Variants in MAN2C1 observed in about 807,000 individuals in gnomAD.
MAN2C1 encodes mannosidase alpha class 2C member 1.
A neutral mutation model predicts 126.9 loss-of-function variants in MAN2C1; 111 were observed. That is an observed-to-expected ratio of 0.87 (90% CI 0.75 to 1.02). The LOEUF (loss-of-function observed/expected upper bound fraction) is 1.02. Ranked by LOEUF, MAN2C1 falls within the 50% of genes least tolerant of loss-of-function variation. The probability of loss-of-function intolerance (pLI) is 0.00; values close to 1 mark genes in which losing one functional copy is unlikely to be tolerated. For synonymous variants in MAN2C1, 567 were observed against 561.5 expected (o/e 1.01, Z -0.14); for missense variants, 1,363 against 1,364.4 (o/e 1.00, Z 0.02).
At chr15:75,365,432 A>G (rs1264117663) in intron 4 of MAN2C1, among the ~76,000 whole-genome samples, 3 of 152,188 alleles carry the variant, frequency 2.0e-5, no homozygotes. Flanking sequence ...AGTAAAAACT[A>G]TACCGGGATG....
Position 75,364,614 on chromosome 15 carries a change from C to G in MAN2C1, c.474G>C (p.Lys158Asn), listed in dbSNP as rs771545331. ...GGTCAGGGGCTGCAATCATGCTTCC[C>G]TTCCCGGCCCCCAGGAGCCCATTGC... The part of the protein sequence containing the change: ...VACNGLLGAG[K>N]GSMIAAPDPE... Residue 158 changes from lysine (K) to asparagine (N), a missense_variant, in exon 5 of 26, where the codon AAG (lysine) becomes AAC (asparagine). This residue lies in a region of MAN2C1 where 628 missense variants were observed against 609.8 expected (regional missense o/e 1.03). Transcript: ENST00000267978. 1.9e-6 allele frequency: 3 copies of G among 1,613,696 alleles called. No homozygotes were observed. The South Asian group carries it at 3.3e-5, about 18-fold the overall frequency.
intron 6 of MAN2C1, chr15:75,363,642 C>T: frequency 3.0e-6 from 1 of 332,814 alleles, no homozygotes; most frequent in Non-Finnish European, 5.8e-6. Flanking sequence ...CCCGTCTCTA[C>T]TAAAAATACA....
rs1825095758 is a variant in MAN2C1 at position 75,362,009 on chromosome 15, TCAGGC to T, written c.1009-67_1009-63del. 2 of 1,285,104 alleles carry T rather than the reference TCAGGC, an allele frequency of 1.6e-6. No individual in the cohort carries two copies. The highest frequency in any genetic ancestry group is 1.7e-5 in the Admixed American group (1 of 59,494). 79.6% of individuals were successfully genotyped at this position (1,285,104 alleles called of 1,614,324 possible). On this transcript the variant is annotated intron_variant, in intron 8 of 25. Coordinates refer to ENST00000267978, the MANE Select transcript of MAN2C1 (RefSeq NM_006715.4). This position sits in a 1 kb window ranked among gnomAD's most constrained non-coding sequence, Gnocchi z 4.5. Reference sequence around the variant, plus strand: ...CGCTGGACGGGGAGCAGGCAGGCGCTCAGGCCAACCCAATCCCTGCAGGAGAAGCC... The same window carrying T: ...CGCTGGACGGGGAGCAGGCAGGCGCTCAACCCAATCCCTGCAGGAGAAGCC...
intron 21 of MAN2C1, 158 bp downstream of exon 21, chr15:75,358,043 C>T: frequency 1.1e-6 from 1 of 915,398 alleles, no homozygotes; most frequent in Non-Finnish European, 1.7e-6. Context: ...GCGTGAGCCA[C>T]TGTGCCTTGC....
intron 21 of MAN2C1, chr15:75,357,106 A>C: frequency 1.7e-6 from 1 of 585,266 alleles, no homozygotes; most frequent in East Asian, 2.8e-5. Context: ...AAATAATAGT[A>C]CTCACCCCAT....
At position 75,362,883 on chromosome 15, in the gene MAN2C1, A is replaced by C; in HGVS notation, c.791-135T>G. On this transcript the variant is annotated intron_variant, in intron 6 of 25. Transcript: ENST00000267978. The surrounding 1 kb of genome is among the most constrained non-coding windows in gnomAD (Gnocchi z 4.5). ...GGAAAGCCCTGTGGTGTCCCTCCTA[A>C]GTGGTCACTTCACTTCACTCCAGCG... The C allele has an allele frequency of 1.4e-6, 1 of 709,556 alleles. No homozygotes were observed. The highest frequency in any genetic ancestry group is 1.8e-5 in the African/African-American group (1 of 56,710). 44.0% of individuals were successfully genotyped at this position (709,556 alleles called of 1,614,324 possible).
chr15:75,356,181 C>T lies in MAN2C1; in HGVS notation c.2925G>A (p.Arg975=), dbSNP rs1160191870. 1.2e-6 allele frequency: 2 copies of T among 1,613,606 alleles called. No individual in the cohort carries two copies. Among genetic ancestry groups the T allele is most frequent in the Middle Eastern group, 1.7e-4 (1 of 6,056 alleles). Residue 975 remains arginine, a synonymous_variant, in exon 25 of 26, where the codon AGG becomes AGA. Coordinates refer to ENST00000267978, the MANE Select transcript of MAN2C1 (RefSeq NM_006715.4). The surrounding 1 kb of genome is among the most constrained non-coding windows in gnomAD (Gnocchi z 5.8). ...SSPQRRSLVL[R]LYEAHGSHVD... is the part of the protein sequence containing the mutation. Reference sequence around the variant, plus strand: ...CGTGGCTGCCGTGGGCCTCATACAGCCTCAGGACCAGCGAGCGGCGCTGGG... The same window carrying T: ...CGTGGCTGCCGTGGGCCTCATACAGTCTCAGGACCAGCGAGCGGCGCTGGG...
rs370541771 is a variant in MAN2C1, at chr15:75,356,136, C to T, written c.2970G>A (p.Leu990=). 15 of 1,613,620 alleles carry T rather than the reference C, an allele frequency of 9.3e-6. No homozygotes were observed. The African/African-American group carries it at 1.9e-4, about 20-fold the overall frequency. ...GGATGGCCTCCTGAACCGGCAGCGA[C>T]AAGTGCAGCCAGCAGTCCACGTGGC... ...HGSHVDCWLH[L]SLPVQEAILC... Residue 990 remains leucine, a synonymous_variant, in exon 25 of 26, where the codon TTG becomes TTA. Transcript: ENST00000267978. The surrounding 1 kb of genome is among the most constrained non-coding windows in gnomAD (Gnocchi z 5.8).
rs144636257 is a variant in MAN2C1 at position 75,356,825 on chromosome 15, C to T, written c.2625G>A (p.Ala875=). 9.4e-5 allele frequency: 151 copies of T among 1,614,094 alleles called. No individual in the cohort carries two copies. Among genetic ancestry groups the T allele is most frequent in the African/African-American group, 3.5e-4 (26 of 75,064 alleles). Residue 875 remains alanine, a synonymous_variant, in exon 22 of 26, where the codon GCG becomes GCA. Coordinates refer to ENST00000267978, the MANE Select transcript of MAN2C1 (RefSeq NM_006715.4). The surrounding 1 kb of genome is among the most constrained non-coding windows in gnomAD (Gnocchi z 5.8). ...GGCTGAGGATGCTGCCTCGCACTGACGCGCCATACTTGCAGTCGTTGAGCA... is the reference window on the plus strand; with the variant it reads ...GGCTGAGGATGCTGCCTCGCACTGATGCGCCATACTTGCAGTCGTTGAGCA... ...LALLNDCKYG[A]SVRGSILSLS...
rs1192857873 is a variant in MAN2C1, at chr15:75,362,945, G to T, written c.791-197C>A. The stretch of plus-strand genomic sequence containing the variant: ...GGGGCTGGGGAAAGGAGGCGGCAGT[G>T]CTATGAGGCCAATTATACAGGTCAG... On this transcript the variant is annotated intron_variant, in intron 6 of 25. Coordinates refer to ENST00000267978, the MANE Select transcript of MAN2C1 (RefSeq NM_006715.4). This position sits in a 1 kb window ranked among gnomAD's most constrained non-coding sequence, Gnocchi z 4.5. The T allele has an allele frequency of 1.4e-5, 8 of 585,232 alleles. No individual in the cohort carries two copies. The highest frequency in any genetic ancestry group is 1.9e-5 in the African/African-American group (1 of 53,490). 36.3% of individuals were successfully genotyped at this position (585,232 alleles called of 1,614,324 possible).
At position 75,356,924 on chromosome 15, in the gene MAN2C1, C is replaced by T; in HGVS notation, c.2548-22G>A. 6.3e-7 allele frequency: 1 copy of T among 1,596,612 alleles called. No individual in the cohort carries two copies. The highest frequency in any genetic ancestry group is 1.1e-5 in the South Asian group (1 of 90,698). On this transcript the variant is annotated intron_variant, in intron 21 of 25. Transcript: ENST00000267978. The surrounding 1 kb of genome is among the most constrained non-coding windows in gnomAD (Gnocchi z 5.8). Reference sequence around the variant, plus strand: ...ACACCTGGAGGGCAGATCCAAGACCCACTTGGTGGCCCTGTGCCCCTCTTT... The same window carrying T: ...ACACCTGGAGGGCAGATCCAAGACCTACTTGGTGGCCCTGTGCCCCTCTTT...
At chr15:75,360,714 C>G in intron 12 of MAN2C1, 26 bp from the exon 13 acceptor site, 1 of 1,610,794 alleles carries the variant, frequency 6.2e-7, no homozygotes, top group South Asian at 1.1e-5. Flanking sequence ...GCCTAGGTCT[C>G]CCAGCCTTGG....
In MAN2C1 at chr15:75,361,453, C is replaced by A; in HGVS notation, c.1219-72G>T. 2 of 1,360,248 alleles carry A rather than the reference C, an allele frequency of 1.5e-6. No individual in the cohort carries two copies. Among genetic ancestry groups the A allele is most frequent in the Non-Finnish European group, 2.1e-6 (2 of 956,334 alleles). The allele number at this position is 1,360,248 out of a possible 1,614,324, so 84.3% of individuals were successfully genotyped here. A position where few individuals can be genotyped will look rare whatever the true frequency, so the allele number is the denominator to read the frequency against. ...CTGAGGCAGAGCCAGGCCTTCCAGA[C>A]TTGGTCCTGCCCCTGCCTGCTATGT... On this transcript the variant is annotated intron_variant, in intron 10 of 25. Coordinates refer to ENST00000267978, the MANE Select transcript of MAN2C1 (RefSeq NM_006715.4). This position sits in a 1 kb window ranked among gnomAD's most constrained non-coding sequence, Gnocchi z 5.0.
chr15:75,366,089 A>C (rs774869211), intron 4 of MAN2C1: 28 of 318,306 alleles, frequency 8.8e-5, no homozygotes, highest in Non-Finnish European at 1.5e-4. Flanking sequence ...TTCGTCTCAA[A>C]AAAAAGAACA....
rs200137541 is a variant in MAN2C1 at position 75,356,704 on chromosome 15, G to C, written c.2658-19C>G. ...CCGCAAGCTGGGGTGAGGAGGGCGC[G>C]TAGGGGCCACGCTGAAGCTGTTGGA... On this transcript the variant is annotated intron_variant, in intron 22 of 25. Coordinates refer to ENST00000267978, the MANE Select transcript of MAN2C1 (RefSeq NM_006715.4). The surrounding 1 kb of genome is among the most constrained non-coding windows in gnomAD (Gnocchi z 5.8). The C allele has an allele frequency of 6.2e-7, 1 of 1,608,810 alleles. No homozygotes were observed. The highest frequency in any genetic ancestry group is 1.7e-5 in the Admixed American group (1 of 59,130).
In MAN2C1 at chr15:75,356,112, G is replaced by A. The variant is rs1033281042; in HGVS notation, c.2994C>T (p.Ile998=). 24 of 1,613,786 alleles carry A rather than the reference G, an allele frequency of 1.5e-5. No individual in the cohort carries two copies. The highest frequency in any genetic ancestry group is 2.0e-5 in the Non-Finnish European group (24 of 1,179,996). The change falls in exon 25 of 26, where the codon ATC becomes ATT. Residue 998 remains isoleucine (I), a splice_region_variant and synonymous_variant. Transcript: ENST00000267978. The surrounding 1 kb of genome is among the most constrained non-coding windows in gnomAD (Gnocchi z 5.8). The part of the protein sequence containing the change: ...LHLSLPVQEA[I]LCDLLERPDP... The stretch of plus-strand genomic sequence containing the variant: ...CCCAATCCCACACCGCCACTCACAG[G>A]ATGGCCTCCTGAACCGGCAGCGACA...
Position 75,356,122 on chromosome 15 carries a change from T to A in MAN2C1, c.2984A>T (p.Gln995Leu). 1 of 1,613,800 alleles carries A rather than the reference T, an allele frequency of 6.2e-7. No homozygotes were observed. The highest frequency in any genetic ancestry group is 2.2e-5 in the East Asian group (1 of 44,862). ...DCWLHLSLPVQEAILCDLLER... is the reference protein window; with the variant it reads ...DCWLHLSLPVLEAILCDLLER... Reference sequence around the variant, plus strand: ...CACCGCCACTCACAGGATGGCCTCCTGAACCGGCAGCGACAAGTGCAGCCA... The same window carrying A: ...CACCGCCACTCACAGGATGGCCTCCAGAACCGGCAGCGACAAGTGCAGCCA... Residue 995 changes from glutamine (Q) to leucine (L), a missense_variant, in exon 25 of 26, where the codon CAG (glutamine) becomes CTG (leucine). Physicochemically the swap from Gln to Leu is moderately radical, Grantham distance 113. Coordinates refer to ENST00000267978, the MANE Select transcript of MAN2C1 (RefSeq NM_006715.4). This position sits in a 1 kb window ranked among gnomAD's most constrained non-coding sequence, Gnocchi z 5.8.
chr15:75,364,501 A>G lies in MAN2C1; in HGVS notation c.587T>C (p.Leu196Pro), dbSNP rs1165669540. 3.1e-6 allele frequency: 5 copies of G among 1,594,468 alleles called. No individual in the cohort carries two copies. Among genetic ancestry groups the G allele is most frequent in the Non-Finnish European group, 4.3e-6 (5 of 1,170,258 alleles). ...GGTGTCAAGTACCTTGGCTATGCCC[A>G]GCAGCAGCTCCAGATCCACCAGGAG... Reference protein sequence around the residue: ...HMLLVDLELLLGIAKGLGKDN... With the variant: ...HMLLVDLELLPGIAKGLGKDN... The change falls in exon 5 of 26, where the codon CTG becomes CCG. Residue 196 changes from leucine (L) to proline (P), a missense_variant. Leu to Pro is a moderately conservative substitution (Grantham distance 98). Coordinates refer to ENST00000267978, the MANE Select transcript of MAN2C1 (RefSeq NM_006715.4).
At chr15:75,363,728 C>G (rs2072521401) in intron 6 of MAN2C1, 2 of 425,884 alleles carry the variant, frequency 4.7e-6, no homozygotes, top group South Asian at 2.5e-5. Context: ...ATCGCCTGAA[C>G]CCGGGAGGCA....
Sources: allele counts gnomAD v4.1 joint callset (sites outside exome capture counted in the v4.1 genomes callset), GRCh38; gene constraint gnomAD v4.1.1; regional missense constraint gnomAD v4.1.1; non-coding constraint Gnocchi (gnomAD v3.1); transcripts MANE v1.5; gene names NCBI Gene and HGNC (gene_info 2026-07-23, HGNC 2026-07-21).